HOOK3: variants seen among roughly 807,000 people sequenced by gnomAD.
The protein encoded by HOOK3 is protein Hook homolog 3.
Under a neutral mutation model 116.3 loss-of-function variants are expected in HOOK3, and 24 were observed. That is an observed-to-expected ratio of 0.21 (90% CI 0.15 to 0.29). HOOK3 has a LOEUF of 0.29. Among genes scored for constraint, HOOK3 ranks in the 10% least tolerant of loss-of-function variants. HOOK3 has a pLI of 1.00. For missense variants in HOOK3, 632 were observed against 830.2 expected, an observed-to-expected ratio of 0.76 and a Z score of 2.93; for synonymous variants, 275 against 283.0, an observed-to-expected ratio of 0.97 and a Z score of 0.28.
Position 42,941,390 on chromosome 8 carries a change from C to T in HOOK3, c.268-1923C>T, listed in dbSNP as rs541983597. Among the ~76,000 whole-genome samples, 30 of 150,880 alleles carry T rather than the reference C, an allele frequency of 2.0e-4. 1 individual carries two copies. The highest frequency in any genetic ancestry group is 7.0e-4 in the African/African-American group (29 of 41,374). ...AAAATTAGGTGGGTGTGGTGGTGGGCGCTTGTAGTCCCAGCTACTCGGGAG... is the reference window on the plus strand; with the variant it reads ...AAAATTAGGTGGGTGTGGTGGTGGGTGCTTGTAGTCCCAGCTACTCGGGAG... On this transcript the variant is annotated intron_variant, in intron 4 of 21. Transcript: ENST00000307602.
intron 2 of HOOK3, among the ~76,000 whole-genome samples, chr8:42,919,673 G>A (rs1307572014): frequency 6.6e-6 from 1 of 152,250 alleles, no homozygotes; most frequent in Non-Finnish European, 1.5e-5. Flanking sequence ...GAGTGAGCGA[G>A]ACTCCGTCTG....
chr8:43,005,565 A>G (rs1809468861), intron 17 of HOOK3, among the ~76,000 whole-genome samples: 1 of 151,886 alleles, frequency 6.6e-6, no homozygotes, highest in Non-Finnish European at 1.5e-5. Context: ...CAATAAAACC[A>G]TCATGAATTT....
chr8:42,928,961 GAA>G (rs1563293277), intron 3 of HOOK3, among the ~76,000 whole-genome samples: 1 of 152,180 alleles, frequency 6.6e-6, no homozygotes, highest in Non-Finnish European at 1.5e-5. Flanking sequence ...AGAATTGCTT[GAA>G]CCTGGGAGGC....
At chr8:42,905,336 G>GGGT (rs1204044294) in intron 1 of HOOK3, among the ~76,000 whole-genome samples, 1 of 129,538 alleles carries the variant, frequency 7.7e-6, no homozygotes, top group Non-Finnish European at 1.6e-5. Context: ...GGGGGGGGGG[G>GGGT]TGCCGTGGTG....
intron 13 of HOOK3, among the ~76,000 whole-genome samples, chr8:42,975,613 T>C (rs773132641): frequency 6.6e-6 from 1 of 152,214 alleles, no homozygotes; most frequent in Admixed American, 6.5e-5. Flanking sequence ...TGGACGTGAC[T>C]TCTCCAGCTA....
intron 3 of HOOK3, among the ~76,000 whole-genome samples, chr8:42,928,961 G>C (rs950677920): frequency 6.6e-6 from 1 of 152,180 alleles, no homozygotes; most frequent in African/African-American, 2.4e-5. Flanking sequence ...AGAATTGCTT[G>C]AACCTGGGAG....
At chr8:43,010,733 A>G (rs563960094) in intron 19 of HOOK3, among the ~76,000 whole-genome samples, 2 of 152,346 alleles carry the variant, frequency 1.3e-5, no homozygotes, top group African/African-American at 4.8e-5. Context: ...TATCGTTGTA[A>G]ATAATAGTTA....
At chr8:42,992,155 C>T (rs1809174630) in intron 15 of HOOK3, among the ~76,000 whole-genome samples, 1 of 152,110 alleles carries the variant, frequency 6.6e-6, no homozygotes, top group Non-Finnish European at 1.5e-5. Context: ...AATCCCAGCA[C>T]TTTGGGAGGC....
intron 4 of HOOK3, among the ~76,000 whole-genome samples, chr8:42,930,765 C>T (rs1807857860): frequency 6.6e-6 from 1 of 152,144 alleles, no homozygotes; most frequent in African/African-American, 2.4e-5. Flanking sequence ...CCCTACCATT[C>T]ACCCTATTAC....
chr8:42,996,400 A>G (rs1051784889), intron 15 of HOOK3, among the ~76,000 whole-genome samples: 13 of 151,182 alleles, frequency 8.6e-5, no homozygotes, highest in African/African-American at 2.9e-4. Flanking sequence ...AAAAAAAAAA[A>G]AAAGAAAAAG....
chr8:42,964,238 G>A (rs1255164419), intron 8 of HOOK3, 73 bp from the exon 9 acceptor site: 2 of 1,426,184 alleles, frequency 1.4e-6, no homozygotes, highest in Admixed American at 1.8e-5. Flanking sequence ...ATTTGTAATG[G>A]TAATTCACAA....
At chr8:42,975,737 G>A (rs150773368) in intron 13 of HOOK3, among the ~76,000 whole-genome samples, 2,327 of 152,190 alleles carry the variant, frequency 0.015, 32 homozygotes, top group Non-Finnish European at 0.022. Flanking sequence ...ACGGAGTCTC[G>A]CTCTGTCACC....
rs1404942591 is a variant in HOOK3, at chr8:43,011,034, C to T, written c.1839+629C>T. On this transcript the variant is annotated intron_variant, in intron 19 of 21. Coordinates refer to ENST00000307602, the MANE Select transcript of HOOK3 (RefSeq NM_032410.4). ...TTGAGATGGAGTCTCGCTCTGTCGC[C>T]CAGGCTGGAGTACAGTGGCACGATC... Among the ~76,000 whole-genome samples the T allele has an allele frequency of 5.3e-5, 8 of 151,962 alleles. No homozygotes were observed. The East Asian group carries it at 7.7e-4, about 15-fold the overall frequency.
chr8:43,015,509 C>T (rs1304163912), intron 21 of HOOK3, among the ~76,000 whole-genome samples: 7 of 151,966 alleles, frequency 4.6e-5, no homozygotes, highest in Admixed American at 1.3e-4. Flanking sequence ...GACGACAGAG[C>T]GAGACTCCGT....
At chr8:42,940,902 T>C (rs1423119592) in intron 4 of HOOK3, among the ~76,000 whole-genome samples, 1 of 152,098 alleles carries the variant, frequency 6.6e-6, no homozygotes, top group Non-Finnish European at 1.5e-5. Flanking sequence ...AACATAAGTT[T>C]GGTCTTTTCA....
intron 2 of HOOK3, among the ~76,000 whole-genome samples, chr8:42,919,761 T>C (rs1213552307): frequency 1.3e-5 from 2 of 152,110 alleles, no homozygotes; most frequent in Non-Finnish European, 2.9e-5. Context: ...GCCAACACGG[T>C]GAAACCCTGT....
chr8:43,009,316 G>T (rs1309093738), intron 18 of HOOK3, among the ~76,000 whole-genome samples: 1 of 151,830 alleles, frequency 6.6e-6, no homozygotes, highest in Non-Finnish European at 1.5e-5. Context: ...TGAGGCAGGA[G>T]AATCGCTTGA....
intron 2 of HOOK3, among the ~76,000 whole-genome samples, chr8:42,922,334 G>C (rs1224071937): frequency 6.6e-6 from 1 of 151,714 alleles, no homozygotes; most frequent in East Asian, 1.9e-4. Context: ...TTGAGGCCAG[G>C]AGTTTGAGAC....
intron 17 of HOOK3, among the ~76,000 whole-genome samples, chr8:43,004,462 C>T (rs1809437054): frequency 6.6e-6 from 1 of 151,506 alleles, no homozygotes; most frequent in African/African-American, 2.4e-5. Flanking sequence ...AGGTGGATCA[C>T]TCAAGGTCAG....
Sources: allele counts gnomAD v4.1 joint callset (sites outside exome capture counted in the v4.1 genomes callset), GRCh38; gene constraint gnomAD v4.1.1; transcripts MANE v1.5; gene names NCBI Gene and HGNC (gene_info 2026-07-23, HGNC 2026-07-21).